Variants in KY observed in about 807,000 individuals in gnomAD.
The protein encoded by KY is kyphoscoliosis peptidase.
In KY, 43 loss-of-function variants were observed where a neutral mutation model predicts 76.1. The ratio of observed to expected loss-of-function variants is 0.57; its 90% CI spans 0.44 to 0.73. The LOEUF is 0.73. KY is among the 30% of genes least tolerant of loss of function. The pLI is 0.00. For synonymous variants in KY, 277 were observed against 326.2 expected, an observed-to-expected ratio of 0.85 and a Z score of 1.63; for missense variants, 722 against 828.9, an observed-to-expected ratio of 0.87 and a Z score of 1.58.
At chr3:134,613,226 T>A (rs1960853982) in intron 8 of KY, 1 of 154,546 alleles carries the variant, frequency 6.5e-6, no homozygotes, top group Middle Eastern at 5.2e-4. Flanking sequence ...GAGAGGAATT[T>A]AGCATTTGTG....
chr3:134,636,747 T>G (rs1208485945), intron 3 of KY, among the ~76,000 whole-genome samples: 3 of 152,232 alleles, frequency 2.0e-5, no homozygotes, highest in Non-Finnish European at 4.4e-5. Flanking sequence ...AATGCAAAAA[T>G]AGATCACATA....
Position 134,607,504 on chromosome 3 carries a change from C to T in KY, c.1090+1145G>A, listed in dbSNP as rs563595098. The T allele has an allele frequency of 2.8e-5, 28 of 985,690 alleles. No individual in the cohort carries two copies. The South Asian group carries it at 1.3e-3, about 45-fold the overall frequency. 61.1% of individuals were successfully genotyped at this position (985,690 alleles called of 1,614,324 possible). A position where few individuals can be genotyped will look rare whatever the true frequency, so the allele number is the denominator to read the frequency against. On this transcript the variant is annotated intron_variant, in intron 10 of 10. Transcript: ENST00000423778. The stretch of plus-strand genomic sequence containing the variant: ...GGAGGCCCCAGTGGCAGAGACGGTG[C>T]CACCAGGCAGTCCTTTGCTGAGGTG...
At chr3:134,645,206 G>A (rs1966289175) in intron 2 of KY, among the ~76,000 whole-genome samples, 1 of 152,216 alleles carries the variant, frequency 6.6e-6, no homozygotes, top group African/African-American at 2.4e-5. Context: ...CCGTTGCTGG[G>A]CAAGCTATTG....
rs866075664 is a variant in KY, at chr3:134,616,090, C to T, written c.710+3058G>A. Among the ~76,000 whole-genome samples, 6 of 152,222 alleles carry T rather than the reference C, an allele frequency of 3.9e-5. No individual in the cohort carries two copies. The South Asian group carries it at 1.2e-3, about 32-fold the overall frequency. ...AAGAGCAGCAGTCTGGGGAATTAAG[C>T]TTGGCTCCTGCGAGGAAATTAGGCA... On this transcript the variant is annotated intron_variant, in intron 8 of 10. Transcript: ENST00000423778.
intron 8 of KY, among the ~76,000 whole-genome samples, chr3:134,614,290 T>C (rs1250843493): frequency 1.3e-5 from 2 of 152,192 alleles, no homozygotes; most frequent in African/African-American, 4.8e-5. Context: ...CAAGGAGATT[T>C]ATTTAATGAC....
rs750617998 is a variant in KY at position 134,603,654 on chromosome 3, G to A, written c.1911C>T (p.Val637=). The A allele has an allele frequency of 6.2e-7, 1 of 1,613,402 alleles. No individual in the cohort carries two copies. The highest frequency in any genetic ancestry group is 1.1e-5 in the South Asian group (1 of 90,960). Residue 637 remains valine (V), a synonymous_variant, in exon 11 of 11, where the codon GTC becomes GTT. Coordinates refer to ENST00000423778, the MANE Select transcript of KY (RefSeq NM_178554.6). ...TGGCATTCTCCAGCACCATGACATA[G>A]ACTTCCTGGCAGCCAGCTGTGCTGC... ...GSCSTAGCQE[V]YVMVLENANH...
intron 6 of KY, among the ~76,000 whole-genome samples, chr3:134,624,172 C>T (rs1226058781): frequency 6.6e-6 from 1 of 152,146 alleles, no homozygotes; most frequent in Non-Finnish European, 1.5e-5. Flanking sequence ...GGGAGCCCCT[C>T]TCCCCCACCT....
chr3:134,607,406 G>A (rs1004696594), intron 10 of KY: 115 of 985,486 alleles, frequency 1.2e-4, no homozygotes, highest in Non-Finnish European at 1.3e-4. Flanking sequence ...AGCTCCCCAG[G>A]GGCTCTGGGC....
intron 5 of KY, among the ~76,000 whole-genome samples, chr3:134,626,731 C>A (rs564535884): frequency 1.3e-5 from 2 of 152,182 alleles, no homozygotes; most frequent in African/African-American, 2.4e-5. Context: ...GAGGCAATGC[C>A]CACTTATTGG....
chr3:134,617,850 C>A (rs1246166766), intron 8 of KY, among the ~76,000 whole-genome samples: 1 of 152,050 alleles, frequency 6.6e-6, no homozygotes, highest in Non-Finnish European at 1.5e-5. Flanking sequence ...GGGCTGGAAA[C>A]TTGGCTGAGG....
chr3:134,623,404 G>A (rs571941228), intron 6 of KY, among the ~76,000 whole-genome samples: 1 of 152,112 alleles, frequency 6.6e-6, no homozygotes, highest in African/African-American at 2.4e-5. Flanking sequence ...TCCTCACTAA[G>A]AGTCTCATCC....
chr3:134,647,437 T>A lies in KY; in HGVS notation c.197A>T (p.His66Leu), dbSNP rs372643203. The A allele has an allele frequency of 5.6e-6, 9 of 1,607,446 alleles. No homozygotes were observed. The highest frequency in any genetic ancestry group is 1.6e-4 in the Middle Eastern group (1 of 6,062). Residue 66 changes from histidine to leucine, a missense_variant and splice_region_variant, in exon 2 of 11, where the codon CAC becomes CTC. Physicochemically the swap from His to Leu is moderately conservative, Grantham distance 99. Around this residue, in one of 2 missense-constraint regions of KY, gnomAD observed 170 missense variants for 148.1 expected, o/e 1.15. Transcript: ENST00000423778. ...TTGAAAGGAAAAAGAGAATTTACCG[T>A]GAAAGTCATTTCCTTCTAATTTCTG... ...RWQKLEGNDFHENLVEKQHPQ... is the reference protein window; with the variant it reads ...RWQKLEGNDFLENLVEKQHPQ...
rs1356270637 is a variant in KY at position 134,601,326 on chromosome 3, AGCTCCTATTTTGCTGGGTG to A, written c.*2234_*2252del. Among the ~76,000 whole-genome samples, 2 of 152,120 alleles carry A rather than the reference AGCTCCTATTTTGCTGGGTG, an allele frequency of 1.3e-5. No individual in the cohort carries two copies. The highest frequency in any genetic ancestry group is 2.9e-5 in the Non-Finnish European group (2 of 68,016). ...GGCCTCCCTCTCTGGTGCTGGGGACAGCTCCTATTTTGCTGGGTGGCATTCTCTGCAATGCTCCAGGATG... is the reference window on the plus strand; with the variant it reads ...GGCCTCCCTCTCTGGTGCTGGGGACAGCATTCTCTGCAATGCTCCAGGATG... On this transcript the variant is annotated 3_prime_UTR_variant, in exon 11 of 11. Transcript: ENST00000423778.
intron 9 of KY, 134 bp downstream of exon 9, chr3:134,610,061 G>A (rs1253494532): frequency 1.1e-6 from 1 of 930,144 alleles, no homozygotes; most frequent in Non-Finnish European, 1.6e-6. Flanking sequence ...TCAGAGCCGA[G>A]GAGGAGTGGG....
At chr3:134,614,003 A>G (rs751761974) in intron 8 of KY, among the ~76,000 whole-genome samples, 48 of 152,352 alleles carry the variant, frequency 3.2e-4, no homozygotes, top group Non-Finnish European at 6.3e-4. Flanking sequence ...ATGTAACAAC[A>G]TAAAAAAATA....
chr3:134,643,451 G>T, intron 2 of KY, 73 bp from the exon 3 acceptor site: 1 of 1,333,510 alleles, frequency 7.5e-7, no homozygotes, highest in Non-Finnish European at 1.1e-6. Flanking sequence ...AGAGCTGTAT[G>T]TGTTTGCGGG....
chr3:134,613,987 A>C (rs764014969), intron 8 of KY, among the ~76,000 whole-genome samples: 12 of 152,206 alleles, frequency 7.9e-5, no homozygotes, highest in Non-Finnish European at 1.5e-4. Context: ...CATACAACGC[A>C]ACACAATGTA....
At position 134,643,307 on chromosome 3, in the gene KY, A is replaced by G. The variant is rs754853872; in HGVS notation, c.262+9T>C. On this transcript the variant is annotated intron_variant, in intron 3 of 10. Coordinates refer to ENST00000423778, the MANE Select transcript of KY (RefSeq NM_178554.6). ...CAGGGGAGGTCACGGCTAGCGGCGA[A>G]TCACTTACCTTGGCTGTTGTAGGAA... The G allele has an allele frequency of 1.2e-6, 2 of 1,613,586 alleles. No homozygotes were observed. The highest frequency in any genetic ancestry group is 3.3e-5 in the Admixed American group (2 of 59,996).
At chr3:134,626,302 G>A (rs959034703) in intron 5 of KY, among the ~76,000 whole-genome samples, 4 of 152,216 alleles carry the variant, frequency 2.6e-5, no homozygotes, top group Non-Finnish European at 5.9e-5. Flanking sequence ...GGGAAGAGTA[G>A]GGCTATGTGA....
Sources: allele counts gnomAD v4.1 joint callset (sites outside exome capture counted in the v4.1 genomes callset), GRCh38; gene constraint gnomAD v4.1.1; regional missense constraint gnomAD v4.1.1; transcripts MANE v1.5; gene names NCBI Gene and HGNC (gene_info 2026-07-23, HGNC 2026-07-21).